The following MOB1B variants were observed in gnomAD, a reference collection of about 807,000 sequenced individuals.
MOB1B encodes the protein MOB kinase activator 1B.
In MOB1B, 19 loss-of-function variants were observed where a neutral mutation model predicts 24.4. That is an observed-to-expected ratio of 0.78 (90% CI 0.54 to 1.14). The LOEUF (loss-of-function observed/expected upper bound fraction) is 1.14, where lower values mean the gene tolerates loss of function less well. Ranked by LOEUF, MOB1B falls within the 50% of genes most tolerant of loss-of-function variation. MOB1B has a pLI of 0.00. For synonymous variants in MOB1B, 76 were observed against 82.1 expected (o/e 0.93, Z 0.40); for missense variants, 243 against 259.6 (o/e 0.94, Z 0.44).
intron 3 of MOB1B, among the ~76,000 whole-genome samples, chr4:70,972,963 C>T (rs1382201468): frequency 2.6e-5 from 4 of 151,840 alleles, no homozygotes; most frequent in African/African-American, 4.8e-5. Context: ...TTAGTAGAGA[C>T]GGGGTTTCAC....
chr4:70,966,247 A>G (rs1738526579), intron 2 of MOB1B, among the ~76,000 whole-genome samples: 1 of 152,160 alleles, frequency 6.6e-6, no homozygotes, highest in Non-Finnish European at 1.5e-5. Context: ...TACAAAGGTT[A>G]GTTTAGCATC....
intron 4 of MOB1B, 119 bp downstream of exon 4, chr4:70,975,405 T>C (rs1738942611): frequency 6.8e-7 from 1 of 1,465,032 alleles, no homozygotes; most frequent in Non-Finnish European, 9.0e-7. Context: ...TGTTGATATA[T>C]GTATATGTTA....
At chr4:70,964,594 C>T (rs1030140618) in intron 2 of MOB1B, among the ~76,000 whole-genome samples, 4 of 152,082 alleles carry the variant, frequency 2.6e-5, no homozygotes, top group African/African-American at 7.2e-5. Flanking sequence ...CATCCATCTC[C>T]AGAGGTTGGA....
intron 1 of MOB1B, among the ~76,000 whole-genome samples, chr4:70,931,880 G>A (rs951660541): frequency 5.9e-5 from 9 of 152,134 alleles, no homozygotes; most frequent in East Asian, 3.9e-4. Context: ...ACAGGCACAT[G>A]CACCATGCCT....
intron 1 of MOB1B, among the ~76,000 whole-genome samples, chr4:70,929,211 TGCTGTCACCCAG>T (rs1736780352): frequency 6.8e-6 from 1 of 147,182 alleles, no homozygotes; most frequent in Non-Finnish European, 1.5e-5. Context: ...GAGACAATCT[TGCTGTCACCCAG>T]GCTGGAGTGC....
At chr4:70,961,160 A>G (rs983125626) in intron 2 of MOB1B, among the ~76,000 whole-genome samples, 8 of 152,218 alleles carry the variant, frequency 5.3e-5, no homozygotes, top group Non-Finnish European at 1.2e-4. Context: ...GCAAGGGATT[A>G]ACAACTGTTA....
intron 1 of MOB1B, among the ~76,000 whole-genome samples, chr4:70,925,634 CA>C (rs1232704507): frequency 6.6e-6 from 1 of 152,090 alleles, no homozygotes; most frequent in Non-Finnish European, 1.5e-5. Context: ...GTTTGAAATG[CA>C]GGATTTCGGG....
intron 1 of MOB1B, among the ~76,000 whole-genome samples, chr4:70,955,514 A>T (rs983470700): frequency 8.0e-6 from 1 of 124,664 alleles, no homozygotes; most frequent in African/African-American, 3.2e-5. Flanking sequence ...TTTGTCATCC[A>T]GGCTGGAGTG....
At chr4:70,966,546 G>A (rs1738538403) in intron 2 of MOB1B, among the ~76,000 whole-genome samples, 1 of 151,528 alleles carries the variant, frequency 6.6e-6, no homozygotes, top group South Asian at 2.1e-4. Flanking sequence ...GGCTAATTTT[G>A]TATTTTTAGT....
chr4:70,924,216 G>A lies in MOB1B; in HGVS notation c.14+21666G>A, dbSNP rs576163378. ...AGCTCTTTGTTTAAAAACTCCCTGT[G>A]GTTATAGTTTTTGCTCACATATGCC... On this transcript the variant is annotated intron_variant, in intron 1 of 5. Transcript: ENST00000309395. 5.9e-5 allele frequency among the ~76,000 whole-genome samples: 9 copies of A among 152,180 alleles called. 1 individual carries two copies. The South Asian group carries it at 1.7e-3, about 28-fold the overall frequency.
At chr4:70,971,822 T>C (rs969384619) in intron 3 of MOB1B, among the ~76,000 whole-genome samples, 6 of 152,208 alleles carry the variant, frequency 3.9e-5, no homozygotes, top group Non-Finnish European at 7.3e-5. Flanking sequence ...TCTCTGCTCC[T>C]GTATGCATGC....
chr4:70,907,855 G>A (rs566709401), intron 1 of MOB1B, among the ~76,000 whole-genome samples: 3 of 152,054 alleles, frequency 2.0e-5, no homozygotes, highest in South Asian at 4.2e-4. Flanking sequence ...TGTGTTGCCC[G>A]GGCTGTCCTC....
chr4:70,967,824 T>A (rs899688001), intron 2 of MOB1B, among the ~76,000 whole-genome samples: 2 of 152,186 alleles, frequency 1.3e-5, no homozygotes, highest in African/African-American at 2.4e-5. Flanking sequence ...TCTCTTTTTT[T>A]AAAATTAAAT....
intron 1 of MOB1B, among the ~76,000 whole-genome samples, chr4:70,944,437 G>GT (rs1284585752): frequency 6.6e-6 from 1 of 152,114 alleles, no homozygotes; most frequent in Non-Finnish European, 1.5e-5. Flanking sequence ...ATCAAATTGT[G>GT]TTTATTATTG....
Position 70,987,092 on chromosome 4 carries a change from A to G in MOB1B, c.*5035A>G, listed in dbSNP as rs2148908405. On this transcript the variant is annotated 3_prime_UTR_variant, in exon 6 of 6. Transcript: ENST00000309395. ...GTATGTTTTTCCACTGTGCGTGTAC[A>G]CACACACTGGAAAATAATTAGGCTG... The G allele has an allele frequency of 6.6e-6, 1 of 152,062 alleles. No homozygotes were observed. Among genetic ancestry groups the G allele is most frequent in the Admixed American group, 6.5e-5 (1 of 15,306 alleles). 9.4% of individuals were successfully genotyped at this position (152,062 alleles called of 1,614,324 possible).
intron 1 of MOB1B, among the ~76,000 whole-genome samples, chr4:70,928,961 T>TTCCTA (rs1164596536): frequency 1.6e-4 from 25 of 152,220 alleles, no homozygotes; most frequent in African/African-American, 5.5e-4. Flanking sequence ...AGGCACAAGT[T>TTCCTA]TCCTATTTTC....
intron 1 of MOB1B, among the ~76,000 whole-genome samples, chr4:70,917,154 C>T (rs981758193): frequency 6.6e-6 from 1 of 152,142 alleles, no homozygotes; most frequent in Non-Finnish European, 1.5e-5. Flanking sequence ...CTCTTTAACC[C>T]ATGATATGGG....
chr4:70,954,802 G>C (rs1372377506), intron 1 of MOB1B, among the ~76,000 whole-genome samples: 1 of 150,714 alleles, frequency 6.6e-6, no homozygotes, highest in African/African-American at 2.4e-5. Flanking sequence ...CCAGGCTGGA[G>C]TGCAGTGGTG....
At chr4:70,944,673 A>G (rs1257216268) in intron 1 of MOB1B, among the ~76,000 whole-genome samples, 1 of 152,118 alleles carries the variant, frequency 6.6e-6, no homozygotes, top group Admixed American at 6.6e-5. Flanking sequence ...AGGCCTCAGG[A>G]AGCTTACAAT....
Sources: gnomAD v4.1 joint callset for allele counts (sites outside exome capture counted in the v4.1 genomes callset) on GRCh38, gnomAD v4.1.1 for gene constraint, MANE v1.5 for transcripts, NCBI Gene and HGNC (gene_info 2026-07-23, HGNC 2026-07-21) for gene names.